INPP5K: variants seen among roughly 807,000 people sequenced by gnomAD.
INPP5K encodes inositol polyphosphate-5-phosphatase K, also known as inositol polyphosphate 5-phosphatase K.
In INPP5K, 35 loss-of-function variants were observed where a neutral mutation model predicts 53.5. The observed-to-expected ratio is 0.65, with a 90% confidence interval of 0.50 to 0.87. The LOEUF is 0.87. INPP5K is among the 40% of genes least tolerant of loss of function. The pLI, the probability that INPP5K is intolerant of heterozygous loss-of-function variation, is 0.00. For synonymous variants in INPP5K, 253 were observed against 232.8 expected (o/e 1.09, Z -0.79); for missense variants, 550 against 586.2 (o/e 0.94, Z 0.64).
At position 1,496,502 on chromosome 17, in the gene INPP5K, C is replaced by T. The variant is rs919765462; in HGVS notation, c.1102-100G>A. ...CTCCCTGCTGGGCCTGGCTACCGTA[C>T]TGTGTGCCTCCCCGCCGCCCTTCAC... On this transcript the variant is annotated intron_variant, in intron 9 of 11. Coordinates refer to ENST00000421807, the MANE Select transcript of INPP5K (RefSeq NM_016532.4). 4 of 1,314,392 alleles carry T rather than the reference C, an allele frequency of 3.0e-6. No homozygotes were observed. The African/African-American group carries it at 4.4e-5, about 14-fold the overall frequency. The allele number at this position is 1,314,392 out of a possible 1,614,324, so 81.4% of individuals were successfully genotyped here. A position where few individuals can be genotyped will look rare whatever the true frequency, so the allele number is the denominator to read the frequency against.
chr17:1,502,193 CA>C (rs1334128576), intron 7 of INPP5K, among the ~76,000 whole-genome samples: 7 of 150,368 alleles, frequency 4.7e-5, no homozygotes, highest in Admixed American at 6.6e-5. Context: ...ACTAAAAATA[CA>C]AAAAATTAGC....
rs1374246395 is a variant in INPP5K, at chr17:1,494,988, G to A, written c.*835C>T. The stretch of plus-strand genomic sequence containing the variant: ...CCCGTCGTCAATGGCTCCTGACAAG[G>A]GTGGCACAGACGCACCTCACCTGCC... On this transcript the variant is annotated 3_prime_UTR_variant, in exon 12 of 12. Coordinates refer to ENST00000421807, the MANE Select transcript of INPP5K (RefSeq NM_016532.4). 6.6e-6 allele frequency: 1 copy of A among 152,276 alleles called. No individual in the cohort carries two copies. The highest frequency in any genetic ancestry group is 2.4e-5 in the African/African-American group (1 of 41,434). 9.4% of individuals were successfully genotyped at this position (152,276 alleles called of 1,614,324 possible). A position where few individuals can be genotyped will look rare whatever the true frequency, so the allele number is the denominator to read the frequency against.
rs1240550917 is a variant in INPP5K at position 1,513,397 on chromosome 17, G to A, written c.261+56C>T. 3.9e-6 allele frequency: 5 copies of A among 1,282,840 alleles called. No homozygotes were observed. The East Asian group carries it at 6.9e-5, about 18-fold the overall frequency. The allele number at this position is 1,282,840 out of a possible 1,614,324, so 79.5% of individuals were successfully genotyped here. On this transcript the variant is annotated intron_variant, in intron 3 of 11. Transcript: ENST00000421807. ...GGAACACATCAGACCCAACAAGCAG[G>A]GGTCAGTGGAGATGTGAAAACACAG...
chr17:1,502,178 T>C lies in INPP5K; in HGVS notation c.777-4056A>G, dbSNP rs987849464. 5.3e-5 allele frequency among the ~76,000 whole-genome samples: 8 copies of C among 149,920 alleles called. No individual in the cohort carries two copies. In the East Asian group the frequency reaches 1.2e-3, roughly 22 times the overall value. ...TCCTGGCTAACATGGTGAAACCCCG[T>C]CTCTACTAAAAATACAAAAAATTAG... On this transcript the variant is annotated intron_variant, in intron 7 of 11. Transcript: ENST00000421807.
chr17:1,512,616 T>A (rs939563), intron 3 of INPP5K, among the ~76,000 whole-genome samples: 76,757 of 151,932 alleles, frequency 0.51, 19,548 homozygotes, highest in East Asian at 0.68. Context: ...GTGTGTTTCA[T>A]TCCTCAGGTG....
At chr17:1,511,930 G>T (rs1467676706) in intron 3 of INPP5K, among the ~76,000 whole-genome samples, 1 of 152,172 alleles carries the variant, frequency 6.6e-6, no homozygotes, top group African/African-American at 2.4e-5. Context: ...GGGGCTGTGG[G>T]AAAAGCAGGA....
chr17:1,499,777 G>A lies in INPP5K; in HGVS notation c.777-1655C>T, dbSNP rs1478265354. 5.9e-5 allele frequency among the ~76,000 whole-genome samples: 9 copies of A among 152,140 alleles called. No individual in the cohort carries two copies. In the East Asian group the frequency reaches 1.3e-3, roughly 23 times the overall value. On this transcript the variant is annotated intron_variant, in intron 7 of 11. Coordinates refer to ENST00000421807, the MANE Select transcript of INPP5K (RefSeq NM_016532.4). ...TGTGGCGGGGGAGCAGGACAGCTGC[G>A]GTTTCTGGGTTCCACCCCCTTCATG... is the stretch of plus-strand genomic sequence containing the variant.
chr17:1,515,830 C>A, intron 1 of INPP5K: 1 of 865,220 alleles, frequency 1.2e-6, no homozygotes, highest in Non-Finnish European at 1.4e-6. Flanking sequence ...CCCTGCTGTC[C>A]GACAGAGGCT....
chr17:1,512,718 T>C (rs1457436341), intron 3 of INPP5K, among the ~76,000 whole-genome samples: 1 of 152,160 alleles, frequency 6.6e-6, no homozygotes, highest in Non-Finnish European at 1.5e-5. Flanking sequence ...CAGAGTATAC[T>C]GGTCTCTCAG....
chr17:1,501,548 C>T (rs969553067), intron 7 of INPP5K, among the ~76,000 whole-genome samples: 1 of 152,200 alleles, frequency 6.6e-6, no homozygotes, highest in Non-Finnish European at 1.5e-5. Flanking sequence ...GGGGTGGTCA[C>T]GAAGCGGTAA....
chr17:1,512,673 C>T (rs528924025), intron 3 of INPP5K, among the ~76,000 whole-genome samples: 2 of 152,150 alleles, frequency 1.3e-5, no homozygotes, highest in Non-Finnish European at 2.9e-5. Flanking sequence ...AACCCAGGGC[C>T]TTCCTGTGGA....
intron 7 of INPP5K, among the ~76,000 whole-genome samples, chr17:1,499,235 C>T (rs149378314): frequency 0.014 from 2,068 of 152,240 alleles, 58 homozygotes; most frequent in African/African-American, 0.046. Context: ...ACTGAGAGGC[C>T]GCGCGCGGTG....
intron 4 of INPP5K, 79 bp from the exon 5 acceptor site, chr17:1,509,432 G>T: frequency 7.2e-7 from 1 of 1,379,976 alleles, no homozygotes. Flanking sequence ...GGACCTGAGG[G>T]CAGACAGTCT....
chr17:1,502,080 T>TG (rs2075031274), intron 7 of INPP5K, among the ~76,000 whole-genome samples: 1 of 149,152 alleles, frequency 6.7e-6, no homozygotes, highest in Non-Finnish European at 1.5e-5. Flanking sequence ...CCAGGCACGG[T>TG]GGCTCACGCC....
chr17:1,496,176 T>C lies in INPP5K; in HGVS notation c.1186-12A>G. ...ATGTCGATGTAAACCTGGAGGGGGA[T>C]GGACAGGACTGGGGTCAGCTCCAGG... On this transcript the variant is annotated splice_polypyrimidine_tract_variant and intron_variant, in intron 10 of 11. Transcript: ENST00000421807. 6.3e-7 allele frequency: 1 copy of C among 1,581,250 alleles called. No homozygotes were observed. Among genetic ancestry groups the C allele is most frequent in the Non-Finnish European group, 8.7e-7 (1 of 1,150,462 alleles).
intron 7 of INPP5K, among the ~76,000 whole-genome samples, chr17:1,500,558 G>T (rs975615364): frequency 2.6e-5 from 4 of 152,090 alleles, no homozygotes; most frequent in African/African-American, 9.7e-5. Flanking sequence ...GTAGAGACGG[G>T]GTTTCACCGC....
intron 7 of INPP5K, among the ~76,000 whole-genome samples, chr17:1,501,709 C>A (rs1235818135): frequency 2.0e-5 from 3 of 152,178 alleles, no homozygotes; most frequent in African/African-American, 7.2e-5. Context: ...ACAGCAGGTG[C>A]CTAGCAATGC....
chr17:1,516,055 T>C (rs957826994), intron 1 of INPP5K: 1 of 1,076,990 alleles, frequency 9.3e-7, no homozygotes, highest in African/African-American at 1.7e-5. Context: ...AAGGATCTTA[T>C]CTCAATCTGA....
chr17:1,512,154 C>T (rs1377607563), intron 3 of INPP5K, among the ~76,000 whole-genome samples: 1 of 152,172 alleles, frequency 6.6e-6, no homozygotes, highest in Non-Finnish European at 1.5e-5. Context: ...TCTGGCCTCC[C>T]AATCTCAGTA....
Sources: gnomAD v4.1 joint callset for allele counts (sites outside exome capture counted in the v4.1 genomes callset) on GRCh38, gnomAD v4.1.1 for gene constraint, MANE v1.5 for transcripts, NCBI Gene and HGNC (gene_info 2026-07-23, HGNC 2026-07-21) for gene names.